CHRNA4: variants seen among roughly 807,000 people sequenced by gnomAD.
CHRNA4 encodes cholinergic receptor nicotinic alpha 4 subunit, also known as neuronal acetylcholine receptor subunit alpha-4.
In CHRNA4, 28 loss-of-function variants were observed where a neutral mutation model predicts 48.9. The ratio of observed to expected loss-of-function variants is 0.57; its 90% CI spans 0.42 to 0.79. The LOEUF is 0.79. Among genes scored for constraint, CHRNA4 ranks in the 30% least tolerant of loss-of-function variants. The pLI is 0.00. For missense variants in CHRNA4, 859 were observed against 898.4 expected, an observed-to-expected ratio of 0.96 and a Z score of 0.56; for synonymous variants, 425 against 402.3, an observed-to-expected ratio of 1.06 and a Z score of -0.68.
At position 63,344,132 on chromosome 20, in the gene CHRNA4, G is replaced by A. The variant is rs1601460258; in HGVS notation, c.*2606C>T. On this transcript the variant is annotated 3_prime_UTR_variant, in exon 6 of 6. Transcript: ENST00000370263. The surrounding 1 kb of genome is among the most constrained non-coding windows in gnomAD (Gnocchi z 4.5). Reference sequence around the variant, plus strand: ...ACACTGCTCACAATTAAAAACGAAGGAACAGACAGCAAGGAGCTACGGACA... The same window carrying A: ...ACACTGCTCACAATTAAAAACGAAGAAACAGACAGCAAGGAGCTACGGACA... 1 of 454,072 alleles carries A rather than the reference G, an allele frequency of 2.2e-6. No individual in the cohort carries two copies. Among genetic ancestry groups the A allele is most frequent in the East Asian group, 6.9e-5 (1 of 14,390 alleles). The allele number at this position is 454,072 out of a possible 1,614,324, so 28.1% of individuals were successfully genotyped here.
At chr20:63,354,570 G>C (rs1440940537) in intron 4 of CHRNA4, 1 of 885,416 alleles carries the variant, frequency 1.1e-6, no homozygotes, top group African/African-American at 2.1e-5. Flanking sequence ...CCGTGGTCCT[G>C]GTGAGGCTGT....
Position 63,344,477 on chromosome 20 carries a change from ATT to A in CHRNA4, c.*2259_*2260del, listed in dbSNP as rs568329035. ...GGTGGGAATATGGTGCTTTATTTGG[ATT>A]TTTTTTTTGAGCCTCAAAAAAAAAA... On this transcript the variant is annotated 3_prime_UTR_variant, in exon 6 of 6. Transcript: ENST00000370263. This position sits in a 1 kb window ranked among gnomAD's most constrained non-coding sequence, Gnocchi z 4.5. 7 of 439,304 alleles carry A rather than the reference ATT, an allele frequency of 1.6e-5. No individual in the cohort carries two copies. Among genetic ancestry groups the A allele is most frequent in the African/African-American group, 4.2e-5 (2 of 47,694 alleles). The allele number at this position is 439,304 out of a possible 1,614,324, so 27.2% of individuals were successfully genotyped here.
rs543935541 is a variant in CHRNA4, at chr20:63,345,405, G to A, written c.*1333C>T. On this transcript the variant is annotated 3_prime_UTR_variant, in exon 6 of 6. Coordinates refer to ENST00000370263, the MANE Select transcript of CHRNA4 (RefSeq NM_000744.7). This position sits in a 1 kb window ranked among gnomAD's most constrained non-coding sequence, Gnocchi z 5.4. ...CTCTGGGCCCTTGGAATCATGGAGG[G>A]GTGGGGCAGCCTGTGCCCATCCCAA... 2.4e-6 allele frequency: 1 copy of A among 410,902 alleles called. No individual in the cohort carries two copies. The highest frequency in any genetic ancestry group is 2.0e-5 in the African/African-American group (1 of 49,366). 25.5% of individuals were successfully genotyped at this position (410,902 alleles called of 1,614,324 possible).
In CHRNA4 at chr20:63,343,795, C is replaced by T. The variant is rs1389563774; in HGVS notation, c.*2943G>A. The T allele has an allele frequency of 1.3e-5, 6 of 453,990 alleles. No individual in the cohort carries two copies. Among genetic ancestry groups the T allele is most frequent in the African/African-American group, 2.0e-5 (1 of 50,014 alleles). 28.1% of individuals were successfully genotyped at this position (453,990 alleles called of 1,614,324 possible). A position where few individuals can be genotyped will look rare whatever the true frequency, so the allele number is the denominator to read the frequency against. ...GGCTTCGAGCTGCAGCAGTGTCTCC[C>T]GCTGCCTGGTGCCTGGCACAGGGCG... On this transcript the variant is annotated 3_prime_UTR_variant, in exon 6 of 6. Transcript: ENST00000370263.
intron 4 of CHRNA4, among the ~76,000 whole-genome samples, chr20:63,354,979 G>C (rs2068696144): frequency 6.6e-6 from 1 of 152,192 alleles, no homozygotes; most frequent in Admixed American, 6.5e-5. Context: ...CAATTGAGTT[G>C]GAAGAGGAGC....
chr20:63,358,979 G>A (rs557284166), intron 2 of CHRNA4, among the ~76,000 whole-genome samples: 3 of 152,302 alleles, frequency 2.0e-5, no homozygotes, highest in African/African-American at 4.8e-5. Context: ...ACTGGCCCAC[G>A]CTGCAGGGGC....
Position 63,344,494 on chromosome 20 carries a change from CAAAA to C in CHRNA4, c.*2240_*2243del. Reference sequence around the variant, plus strand: ...TTATTTGGATTTTTTTTTTGAGCCTCAAAAAAAAAAAGAAAGGGAAAGGGGTCTT... The same window carrying C: ...TTATTTGGATTTTTTTTTTGAGCCTCAAAAAAAGAAAGGGAAAGGGGTCTT... On this transcript the variant is annotated 3_prime_UTR_variant, in exon 6 of 6. Transcript: ENST00000370263. This position sits in a 1 kb window ranked among gnomAD's most constrained non-coding sequence, Gnocchi z 4.5. 2.4e-6 allele frequency: 1 copy of C among 416,082 alleles called. No individual in the cohort carries two copies. Among genetic ancestry groups the C allele is most frequent in the South Asian group, 1.7e-5 (1 of 58,686 alleles). 25.8% of individuals were successfully genotyped at this position (416,082 alleles called of 1,614,324 possible).
At position 63,359,544 on chromosome 20, in the gene CHRNA4, C is replaced by T. The variant is rs560341563; in HGVS notation, c.228+4G>A. 6 of 1,612,658 alleles carry T rather than the reference C, an allele frequency of 3.7e-6. No individual in the cohort carries two copies. Among genetic ancestry groups the T allele is most frequent in the South Asian group, 3.3e-5 (3 of 91,076 alleles). Reference sequence around the variant, plus strand: ...CAGTGCACGATGGCCACGCCCTCACCTACCACGTCAATGAGCTGAGCGATG... The same window carrying T: ...CAGTGCACGATGGCCACGCCCTCACTTACCACGTCAATGAGCTGAGCGATG... On this transcript the variant is annotated splice_donor_region_variant and intron_variant, in intron 2 of 5. Coordinates refer to ENST00000370263, the MANE Select transcript of CHRNA4 (RefSeq NM_000744.7).
chr20:63,345,042 C>A lies in CHRNA4; in HGVS notation c.*1696G>T. The A allele has an allele frequency of 2.2e-6, 1 of 452,730 alleles. No homozygotes were observed. Among genetic ancestry groups the A allele is most frequent in the Non-Finnish European group, 4.4e-6 (1 of 225,724 alleles). The allele number at this position is 452,730 out of a possible 1,614,324, so 28.0% of individuals were successfully genotyped here. A position where few individuals can be genotyped will look rare whatever the true frequency, so the allele number is the denominator to read the frequency against. ...GGGGTGACCAGCAGCAGTTCAGAGG[C>A]AGGTGTGGGCAATGTGGGCCTGAGT... On this transcript the variant is annotated 3_prime_UTR_variant, in exon 6 of 6. Transcript: ENST00000370263. The surrounding 1 kb of genome is among the most constrained non-coding windows in gnomAD (Gnocchi z 5.4).
rs941816864 is a variant in CHRNA4 at position 63,356,554 on chromosome 20, G to A, written c.229-139C>T. The A allele has an allele frequency of 7.9e-6, 7 of 884,262 alleles. No homozygotes were observed. In the African/African-American group the frequency reaches 8.3e-5, roughly 10 times the overall value. The allele number at this position is 884,262 out of a possible 1,614,324, so 54.8% of individuals were successfully genotyped here. A position where few individuals can be genotyped will look rare whatever the true frequency, so the allele number is the denominator to read the frequency against. Reference sequence around the variant, plus strand: ...GACGGGCGACCTGTGGAGGGGGTGAGTGCCCCGTCCCTGGAGGCAGCCGAG... The same window carrying A: ...GACGGGCGACCTGTGGAGGGGGTGAATGCCCCGTCCCTGGAGGCAGCCGAG... On this transcript the variant is annotated intron_variant, in intron 2 of 5. Coordinates refer to ENST00000370263, the MANE Select transcript of CHRNA4 (RefSeq NM_000744.7).
At chr20:63,358,300 C>T (rs1329320674) in intron 2 of CHRNA4, among the ~76,000 whole-genome samples, 1 of 152,330 alleles carries the variant, frequency 6.6e-6, no homozygotes, top group South Asian at 2.1e-4. Context: ...CCCACACCTC[C>T]CAAAAGCCCC....
Position 63,350,013 on chromosome 20 carries a change from G to T in CHRNA4, c.1398C>A (p.Leu466=). ...QAPGLAKARS[L]SVQHMSSPGE... ...CAGGGCTGGACATGTGCTGGACGCTGAGGGACCTGGCTTTGGCCAGCCCTG... is the reference window on the plus strand; with the variant it reads ...CAGGGCTGGACATGTGCTGGACGCTTAGGGACCTGGCTTTGGCCAGCCCTG... Residue 466 remains leucine (L), a synonymous_variant, in exon 5 of 6, where the codon CTC becomes CTA. Transcript: ENST00000370263. The T allele has an allele frequency of 6.5e-7, 1 of 1,530,380 alleles. No homozygotes were observed. The allele number at this position is 1,530,380 out of a possible 1,614,324, so 94.8% of individuals were successfully genotyped here.
Position 63,349,978 on chromosome 20 carries a change from A to G in CHRNA4, c.1433T>C (p.Val478Ala). 1 of 1,553,786 alleles carries G rather than the reference A, an allele frequency of 6.4e-7. No homozygotes were observed. Among genetic ancestry groups the G allele is most frequent in the East Asian group, 2.4e-5 (1 of 42,456 alleles). Residue 478 changes from valine (V) to alanine (A), a missense_variant, in exon 5 of 6, where the codon GTG becomes GCG. Physicochemically the swap from Val to Ala is moderately conservative, Grantham distance 64. Around this residue, in one of 3 missense-constraint regions of CHRNA4, gnomAD observed 478 missense variants for 455.4 expected, o/e 1.05. Transcript: ENST00000370263. ...VQHMSSPGEA[V>A]EGGVRCRSRS... ...AGACCGGCACCGGACGCCGCCTTCC[A>G]CCGCTTCGCCAGGGCTGGACATGTG...
intron 5 of CHRNA4, 47 bp from the exon 6 acceptor site, chr20:63,346,910 G>T: frequency 6.2e-7 from 1 of 1,610,270 alleles, no homozygotes; most frequent in African/African-American, 1.3e-5. Context: ...GCCGCCGCCA[G>T]CGGGGACAGC....
intron 4 of CHRNA4, chr20:63,354,796 A>G: frequency 3.9e-6 from 1 of 259,488 alleles, no homozygotes. Flanking sequence ...GATTCGGTGC[A>G]TGGTCCTGGT....
In CHRNA4 at chr20:63,344,672, C is replaced by T; in HGVS notation, c.*2066G>A. 2 of 454,046 alleles carry T rather than the reference C, an allele frequency of 4.4e-6. No individual in the cohort carries two copies. Among genetic ancestry groups the T allele is most frequent in the Non-Finnish European group, 8.8e-6 (2 of 226,778 alleles). The allele number at this position is 454,046 out of a possible 1,614,324, so 28.1% of individuals were successfully genotyped here. ...CTGCAGCTGCCCACACATCTGGCAG[C>T]TGGGTCCACTTATGCAATGTGGATC... On this transcript the variant is annotated 3_prime_UTR_variant, in exon 6 of 6. Coordinates refer to ENST00000370263, the MANE Select transcript of CHRNA4 (RefSeq NM_000744.7). The surrounding 1 kb of genome is among the most constrained non-coding windows in gnomAD (Gnocchi z 4.5).
intron 4 of CHRNA4, among the ~76,000 whole-genome samples, chr20:63,351,780 C>T (rs1293861924): frequency 6.6e-6 from 1 of 152,238 alleles, no homozygotes; most frequent in African/African-American, 2.4e-5. Flanking sequence ...GGTGTTCTGT[C>T]CACAGGCCCA....
chr20:63,359,897 C>CTGTGTGTG lies in CHRNA4; in HGVS notation c.77-206_77-199dup, dbSNP rs57641753. On this transcript the variant is annotated intron_variant, in intron 1 of 5. Transcript: ENST00000370263. ...TGTGTGTGTGTGTGCCGGGCGTGTG[C>CTGTGTGTG]TGTGTGTGTGTGTGTGTGTGTGTGT... 9,669 of 427,614 alleles carry CTGTGTGTG rather than the reference C, an allele frequency of 0.023. 116 individuals are homozygous for CTGTGTGTG. Among genetic ancestry groups the CTGTGTGTG allele is most frequent in the Middle Eastern group, 0.033 (59 of 1,762 alleles). The allele number at this position is 427,614 out of a possible 1,614,324, so 26.5% of individuals were successfully genotyped here. A position where few individuals can be genotyped will look rare whatever the true frequency, so the allele number is the denominator to read the frequency against.
intron 4 of CHRNA4, among the ~76,000 whole-genome samples, chr20:63,353,701 T>TGGC: frequency 3.5e-5 from 1 of 28,862 alleles, no homozygotes; most frequent in Non-Finnish European, 6.0e-5. Flanking sequence ...GCTGTGGTCC[T>TGGC]GGGGGGGCTG....
Sources: gnomAD v4.1 joint callset for allele counts (sites outside exome capture counted in the v4.1 genomes callset) on GRCh38, gnomAD v4.1.1 for gene constraint, gnomAD v4.1.1 regional missense constraint, Gnocchi (gnomAD v3.1) non-coding constraint, MANE v1.5 for transcripts, NCBI Gene and HGNC (gene_info 2026-07-23, HGNC 2026-07-21) for gene names.